PRRC2B: variants seen among roughly 807,000 people sequenced by gnomAD.
PRRC2B encodes the protein protein PRRC2B.
Under a neutral mutation model 242.3 loss-of-function variants are expected in PRRC2B, and 68 were observed. The observed-to-expected ratio is 0.28, with a 90% CI of 0.23 to 0.34. PRRC2B has a LOEUF of 0.34. Ranked by LOEUF, PRRC2B falls within the 10% of genes least tolerant of loss-of-function variation. The probability of loss-of-function intolerance (pLI) is 1.00; values close to 1 mark genes in which losing one functional copy is unlikely to be tolerated. For synonymous variants in PRRC2B, 1,228 were observed against 1,173.6 expected (o/e 1.05, Z -0.95); for missense variants, 2,835 against 2,954.8 (o/e 0.96, Z 0.94).
intron 6 of PRRC2B, among the ~76,000 whole-genome samples, chr9:131,445,438 C>T (rs767165329): frequency 2.6e-5 from 4 of 152,190 alleles, no homozygotes; most frequent in Admixed American, 6.5e-5. Flanking sequence ...GGATTACAGG[C>T]GTGAGCCACC....
intron 1 of PRRC2B, among the ~76,000 whole-genome samples, chr9:131,380,415 T>TA (rs1408780630): frequency 2.6e-5 from 4 of 151,860 alleles, no homozygotes; most frequent in Non-Finnish European, 5.9e-5. Context: ...TTATCTCTAC[T>TA]AAAAATACAA....
intron 5 of PRRC2B, among the ~76,000 whole-genome samples, chr9:131,443,247 C>T (rs1588254073): frequency 6.6e-6 from 1 of 151,816 alleles, no homozygotes; most frequent in East Asian, 1.9e-4. Context: ...CATTCTCCTG[C>T]CTCAGCCTCC....
chr9:131,393,375 C>G (rs1240580093), upstream of PRRC2B, among the ~76,000 whole-genome samples: 1 of 152,108 alleles, frequency 6.6e-6, no homozygotes, highest in Non-Finnish European at 1.5e-5. Flanking sequence ...AAGAACCCTC[C>G]TCCGCTCTCC....
intron 6 of PRRC2B, 137 bp downstream of exon 6, chr9:131,444,465 T>A: frequency 1.1e-6 from 1 of 917,392 alleles, no homozygotes; most frequent in African/African-American, 1.7e-5. Context: ...ACTCGCCACG[T>A]GATCTGTGCA....
intron 1 of PRRC2B, among the ~76,000 whole-genome samples, chr9:131,422,137 C>T (rs747637550): frequency 7.2e-5 from 11 of 152,142 alleles, no homozygotes; most frequent in Non-Finnish European, 1.3e-4. Context: ...TCACTGCAAC[C>T]TCTGCCTCCC....
chr9:131,478,640 GGGCATGGGGCTGGAGGGCAGGCT>G, intron 18 of PRRC2B, 21 bp downstream of exon 18: 1 of 1,030,430 alleles, frequency 9.7e-7, no homozygotes, highest in Non-Finnish European at 1.5e-6. Context: ...GAGGGTGGGG[GGGCATGGGGCTGGAGGGCAGGCT>G]GGCAGATGCC....
At position 131,475,075 on chromosome 9, in the gene PRRC2B, G is replaced by A. The variant is rs1019471237; in HGVS notation, c.2946G>A (p.Thr982=). 3.7e-6 allele frequency: 6 copies of A among 1,610,738 alleles called. No individual in the cohort carries two copies. In the African/African-American group the frequency reaches 4.0e-5, roughly 11 times the overall value. The change falls in exon 16 of 32, where the codon ACG becomes ACA. Residue 982 remains threonine (T), a synonymous_variant. Transcript: ENST00000683519. ...RLAKEKEQSP[T]AEKDEDEEND... ...CCAAGGAGAAGGAGCAGAGCCCCAC[G>A]GCAGAAAAGGATGAGGACGAAGAGA...
rs777343508 is a variant in PRRC2B at position 131,475,031 on chromosome 9, G to C, written c.2902G>C (p.Glu968Gln). Reference sequence around the variant, plus strand: ...TGAGAAGATTAAGCAGGAGCTAGGGGAGGAGAGTACCCGGCTGGCCAAGGA... The same window carrying C: ...TGAGAAGATTAAGCAGGAGCTAGGGCAGGAGAGTACCCGGCTGGCCAAGGA... ...ELEKIKQELGEESTRLAKEKE... is the reference protein window; with the variant it reads ...ELEKIKQELGQESTRLAKEKE... Residue 968 changes from glutamate (E) to glutamine (Q), a missense_variant, in exon 16 of 32, where the codon GAG (glutamate) becomes CAG (glutamine). Around this residue, in one of 7 missense-constraint regions of PRRC2B, gnomAD observed 1,536 missense variants for 1,483.1 expected, o/e 1.04. Transcript: ENST00000683519. 1 of 1,608,676 alleles carries C rather than the reference G, an allele frequency of 6.2e-7. No individual in the cohort carries two copies. The highest frequency in any genetic ancestry group is 8.5e-7 in the Non-Finnish European group (1 of 1,177,502).
At chr9:131,460,052 CAA>C (rs1333681389) in intron 11 of PRRC2B, among the ~76,000 whole-genome samples, 2 of 145,090 alleles carry the variant, frequency 1.4e-5, no homozygotes, top group Non-Finnish European at 3.0e-5. Flanking sequence ...ACATTACAAA[CAA>C]TATTTTTTCT....
intron 2 of PRRC2B, among the ~76,000 whole-genome samples, chr9:131,431,496 C>T (rs1838169741): frequency 6.6e-6 from 1 of 151,834 alleles, no homozygotes; most frequent in Admixed American, 6.6e-5. Context: ...AACTCCCGAC[C>T]TTAGGTGATC....
At position 131,475,515 on chromosome 9, in the gene PRRC2B, G is replaced by T; in HGVS notation, c.3386G>T (p.Arg1129Ile). ...TGCCCCAGAGCCAAGCCCCGACGGA[G>T]AGTTGCCAGTGAGACCCATAGCGAG... ...EDCPRAKPRR[R>I]VASETHSEGS... is the part of the protein sequence containing the mutation. Residue 1129 changes from arginine to isoleucine, a missense_variant, in exon 16 of 32, where the codon AGA (arginine) becomes ATA (isoleucine). Arg to Ile is a moderately conservative substitution (Grantham distance 97). Around this residue, in one of 7 missense-constraint regions of PRRC2B, gnomAD observed 1,536 missense variants for 1,483.1 expected, o/e 1.04. Coordinates refer to ENST00000683519, the MANE Select transcript of PRRC2B (RefSeq NM_013318.4). The T allele has an allele frequency of 6.2e-7, 1 of 1,609,736 alleles. No individual in the cohort carries two copies. Among genetic ancestry groups the T allele is most frequent in the Non-Finnish European group, 8.5e-7 (1 of 1,178,124 alleles).
intron 1 of PRRC2B, among the ~76,000 whole-genome samples, chr9:131,422,136 C>A (rs1389173943): frequency 6.6e-6 from 1 of 152,030 alleles, no homozygotes; most frequent in Non-Finnish European, 1.5e-5. Flanking sequence ...CTCACTGCAA[C>A]CTCTGCCTCC....
In PRRC2B at chr9:131,427,607, G is replaced by A. The variant is rs150226490; in HGVS notation, c.-51-2487G>A. 1.2e-4 allele frequency among the ~76,000 whole-genome samples: 18 copies of A among 152,274 alleles called. 1 individual carries two copies. The East Asian group carries it at 3.3e-3, about 28-fold the overall frequency. On this transcript the variant is annotated intron_variant, in intron 1 of 31. Transcript: ENST00000683519. ...AGCCTCCCAAAGTGCTGGGATTACA[G>A]GAGTGAGCCACCGCACCTGGCCCAT...
intron 5 of PRRC2B, among the ~76,000 whole-genome samples, chr9:131,440,427 T>C (rs1253815930): frequency 6.6e-6 from 1 of 152,080 alleles, no homozygotes; most frequent in African/African-American, 2.4e-5. Flanking sequence ...AGATAGAATA[T>C]ATTAATTTTT....
intron 1 of PRRC2B, among the ~76,000 whole-genome samples, chr9:131,406,842 G>A (rs1463454743): frequency 6.6e-6 from 1 of 152,128 alleles, no homozygotes; most frequent in Non-Finnish European, 1.5e-5. Context: ...AGCTCCAGAA[G>A]TGTATAGAGT....
chr9:131,404,903 T>G (rs903663928), intron 1 of PRRC2B, among the ~76,000 whole-genome samples: 2 of 152,246 alleles, frequency 1.3e-5, no homozygotes, highest in Non-Finnish European at 2.9e-5. Context: ...ACAATTTGTA[T>G]GTAAGCATGT....
intron 9 of PRRC2B, among the ~76,000 whole-genome samples, chr9:131,452,863 G>A (rs1942963798): frequency 6.6e-6 from 1 of 152,180 alleles, no homozygotes; most frequent in African/African-American, 2.4e-5. Flanking sequence ...CTGTCTTGGA[G>A]AATATTTCAG....
chr9:131,467,893 A>C, intron 13 of PRRC2B, 140 bp downstream of exon 13: 2 of 805,344 alleles, frequency 2.5e-6, no homozygotes, highest in East Asian at 2.7e-5. Flanking sequence ...ACCAGTGGGG[A>C]CGTCAGGAGT....
intron 2 of PRRC2B, among the ~76,000 whole-genome samples, chr9:131,431,999 G>T (rs916364016): frequency 3.3e-5 from 5 of 151,882 alleles, no homozygotes; most frequent in East Asian, 1.9e-4. Context: ...TTGTCACATT[G>T]CCCAGGCTGG....
Sources: gnomAD v4.1 joint callset for allele counts (sites outside exome capture counted in the v4.1 genomes callset) on GRCh38, gnomAD v4.1.1 for gene constraint, gnomAD v4.1.1 regional missense constraint, MANE v1.5 for transcripts, NCBI Gene and HGNC (gene_info 2026-07-23, HGNC 2026-07-21) for gene names.